MEGF8: variants seen among roughly 807,000 people sequenced by gnomAD.
MEGF8 encodes the protein multiple EGF like domains 8, also known as multiple epidermal growth factor-like domains protein 8.
Under a neutral mutation model 302.9 loss-of-function variants are expected in MEGF8, and 156 were observed. The ratio of observed to expected loss-of-function variants is 0.52; its 90% CI spans 0.45 to 0.59. MEGF8 has a LOEUF of 0.59. Ranked by LOEUF, MEGF8 falls within the 20% of genes least tolerant of loss-of-function variation. The pLI is 0.00. For missense variants in MEGF8, 3,345 were observed against 3,964.5 expected (o/e 0.84, Z 4.20); for synonymous variants, 1,621 against 1,660.5 (o/e 0.98, Z 0.58).
chr19:42,350,448 C>A, intron 15 of MEGF8, 64 bp downstream of exon 15: 1 of 1,380,798 alleles, frequency 7.2e-7, no homozygotes, highest in Non-Finnish European at 9.6e-7. Context: ...AATGGGCAGT[C>A]AAGGGAACCC....
chr19:42,371,562 G>A (rs2039691262), intron 41 of MEGF8, 80 bp downstream of exon 41: 16 of 1,576,206 alleles, frequency 1.0e-5, no homozygotes, highest in Non-Finnish European at 1.4e-5. Flanking sequence ...AGCCAGGCTC[G>A]GGCAGGACTG....
At position 42,356,108 on chromosome 19, in the gene MEGF8, A is replaced by T; in HGVS notation, c.4418A>T (p.Glu1473Val). 1 of 1,588,068 alleles carries T rather than the reference A, an allele frequency of 6.3e-7. No individual in the cohort carries two copies. The highest frequency in any genetic ancestry group is 8.6e-7 in the Non-Finnish European group (1 of 1,165,440). Residue 1473 changes from glutamate to valine, a missense_variant, in exon 25 of 42, where the codon GAG (glutamate) becomes GTG (valine). Glu to Val is a moderately radical substitution (Grantham distance 121, BLOSUM62 -2). Coordinates refer to ENST00000251268, the MANE Select transcript of MEGF8 (RefSeq NM_001271938.2). The surrounding 1 kb of genome is among the most constrained non-coding windows in gnomAD (Gnocchi z 5.2). ...NQSLGVCICA[E>V]GFGGPDCATK... ...AGCCTGGGTGTGTGCATCTGTGCCG[A>T]GGGCTTCGGGGGCCCCGACTGCGCC...
intron 12 of MEGF8, among the ~76,000 whole-genome samples, chr19:42,347,315 C>A (rs1213952082): frequency 7.4e-6 from 1 of 135,834 alleles, no homozygotes; most frequent in East Asian, 2.1e-4. Flanking sequence ...CACTCTCATT[C>A]TTTTTTTTTT....
rs371666486 is a variant in MEGF8 at position 42,376,715 on chromosome 19, G to C, written c.8478G>C (p.Gly2826=). 1.3e-6 allele frequency: 2 copies of C among 1,498,888 alleles called. No homozygotes were observed. The highest frequency in any genetic ancestry group is 8.9e-7 in the Non-Finnish European group (1 of 1,124,762). 92.8% of individuals were successfully genotyped at this position (1,498,888 alleles called of 1,614,324 possible). Residue 2826 remains glycine, a synonymous_variant, in exon 42 of 42, where the codon GGG becomes GGC. Coordinates refer to ENST00000251268, the MANE Select transcript of MEGF8 (RefSeq NM_001271938.2). This position sits in a 1 kb window ranked among gnomAD's most constrained non-coding sequence, Gnocchi z 8.2. ...GGGGAGGSGH[G]TGAGRKGLLS... Reference sequence around the variant, plus strand: ...GGGGTGCTGGGGGCAGTGGGCATGGGACTGGTGCGGGCCGGAAGGGACTGT... The same window carrying C: ...GGGGTGCTGGGGGCAGTGGGCATGGCACTGGTGCGGGCCGGAAGGGACTGT...
intron 41 of MEGF8, among the ~76,000 whole-genome samples, chr19:42,372,076 C>CAACAACAACAA (rs2039701345): frequency 9.0e-6 from 1 of 111,448 alleles, no homozygotes; most frequent in African/African-American, 3.8e-5. Flanking sequence ...CAACAACAAA[C>CAACAACAACAA]ACACACACAC....
In MEGF8 at chr19:42,353,720, A is replaced by G. The variant is rs2039410471; in HGVS notation, c.3761+45A>G. On this transcript the variant is annotated intron_variant, in intron 21 of 41. Coordinates refer to ENST00000251268, the MANE Select transcript of MEGF8 (RefSeq NM_001271938.2). The surrounding 1 kb of genome is among the most constrained non-coding windows in gnomAD (Gnocchi z 6.1). ...AGGGCTGGGTAGGGTGTGCTTGGGG[A>G]CACAGTGGGGAGGGTCAGGACTGGT... 1 of 1,573,260 alleles carries G rather than the reference A, an allele frequency of 6.4e-7. No individual in the cohort carries two copies. The highest frequency in any genetic ancestry group is 1.2e-5 in the South Asian group (1 of 85,748).
intron 1 of MEGF8, among the ~76,000 whole-genome samples, chr19:42,333,000 G>A (rs2039074826): frequency 6.6e-6 from 1 of 152,222 alleles, no homozygotes; most frequent in Non-Finnish European, 1.5e-5. Context: ...ATAAGCTCAG[G>A]CAGTCTGGTT....
rs1268241417 is a variant in MEGF8 at position 42,376,822 on chromosome 19, C to T, written c.*47C>T. 37 of 1,413,344 alleles carry T rather than the reference C, an allele frequency of 2.6e-5. No individual in the cohort carries two copies. Among genetic ancestry groups the T allele is most frequent in the Non-Finnish European group, 3.1e-5 (34 of 1,087,664 alleles). 87.6% of individuals were successfully genotyped at this position (1,413,344 alleles called of 1,614,324 possible). ...CAGCAGCTGGGTCACCTGATAGGGC[C>T]GCCCTGGACTTGGGGTCCCTCCACC... On this transcript the variant is annotated 3_prime_UTR_variant, in exon 42 of 42. Coordinates refer to ENST00000251268, the MANE Select transcript of MEGF8 (RefSeq NM_001271938.2). The surrounding 1 kb of genome is among the most constrained non-coding windows in gnomAD (Gnocchi z 8.2).
At chr19:42,366,656 G>A (rs1436588050) in intron 35 of MEGF8, among the ~76,000 whole-genome samples, 4 of 152,164 alleles carry the variant, frequency 2.6e-5, no homozygotes, top group Admixed American at 2.0e-4. Context: ...GCTAGGCAGT[G>A]GGGAATGTCA....
chr19:42,361,839 A>T (rs1251754070), intron 32 of MEGF8, among the ~76,000 whole-genome samples: 1 of 152,030 alleles, frequency 6.6e-6, no homozygotes, highest in Non-Finnish European at 1.5e-5. Context: ...GTCAGGGAGA[A>T]ATCCAGGAGG....
rs1355969021 is a variant in MEGF8 at position 42,369,061 on chromosome 19, C to T, written c.6641+59C>T. The T allele has an allele frequency of 1.9e-6, 3 of 1,589,090 alleles. No individual in the cohort carries two copies. The highest frequency in any genetic ancestry group is 2.6e-6 in the Non-Finnish European group (3 of 1,170,546). ...CTAGGGTGGGAGAGTCTGTGGGGAG[C>T]AGTAATGGATGAGGCCTAGAGCCAA... On this transcript the variant is annotated intron_variant, in intron 37 of 41. Transcript: ENST00000251268. This position sits in a 1 kb window ranked among gnomAD's most constrained non-coding sequence, Gnocchi z 5.7.
rs755090133 is a variant in MEGF8 at position 42,336,106 on chromosome 19, C to T, written c.1004C>T (p.Ala335Val). 6.2e-6 allele frequency: 10 copies of T among 1,605,332 alleles called. No homozygotes were observed. The highest frequency in any genetic ancestry group is 8.5e-6 in the Non-Finnish European group (10 of 1,178,204). ...ASSSSGPPGL[A>V]GHAAALVDDV... ...AGCTCCTCGGGGCCCCCAGGCCTGG[C>T]AGGTCACGCGGCTGCCCTGGTGGAT... Residue 335 changes from alanine (A) to valine (V), a missense_variant, in exon 6 of 42, where the codon GCA (alanine) becomes GTA (valine). Physicochemically the swap from Ala to Val is moderately conservative, Grantham distance 64. Transcript: ENST00000251268. The surrounding 1 kb of genome is among the most constrained non-coding windows in gnomAD (Gnocchi z 4.8).
rs1267419106 is a variant in MEGF8, at chr19:42,354,620, A to G, written c.4044A>G (p.Pro1348=). ...LSYVLAFDGF[P]RFLDTGVVQS... ...ACGTCCTGGCGTTTGATGGATTCCCACGCTTCCTGGACACTGGTGTTGTCC... is the reference window on the plus strand; with the variant it reads ...ACGTCCTGGCGTTTGATGGATTCCCGCGCTTCCTGGACACTGGTGTTGTCC... Residue 1348 remains proline (P), a synonymous_variant, in exon 23 of 42, where the codon CCA becomes CCG. Coordinates refer to ENST00000251268, the MANE Select transcript of MEGF8 (RefSeq NM_001271938.2). The surrounding 1 kb of genome is among the most constrained non-coding windows in gnomAD (Gnocchi z 4.3). 1 of 1,612,740 alleles carries G rather than the reference A, an allele frequency of 6.2e-7. No individual in the cohort carries two copies. The highest frequency in any genetic ancestry group is 8.5e-7 in the Non-Finnish European group (1 of 1,179,700).
In MEGF8 at chr19:42,354,642, G is replaced by A. The variant is rs1296610457; in HGVS notation, c.4066G>A (p.Val1356Ile). Residue 1356 changes from valine (V) to isoleucine (I), a missense_variant, in exon 23 of 42, where the codon GTC becomes ATC. Physicochemically the swap from Val to Ile is conservative, Grantham distance 29 (BLOSUM62 3). Coordinates refer to ENST00000251268, the MANE Select transcript of MEGF8 (RefSeq NM_001271938.2). The surrounding 1 kb of genome is among the most constrained non-coding windows in gnomAD (Gnocchi z 4.3). ...CCCACGCTTCCTGGACACTGGTGTT[G>A]TCCAGTCGGACCGCAGCCTCATAGC... ...GFPRFLDTGV[V>I]QSDRSLIAAF... 1.9e-6 allele frequency: 3 copies of A among 1,612,870 alleles called. No individual in the cohort carries two copies. In the South Asian group the frequency reaches 3.3e-5, roughly 18 times the overall value.
rs1467644289 is a variant in MEGF8 at position 42,370,304 on chromosome 19, A to T, written c.6950A>T (p.Lys2317Met). The stretch of plus-strand genomic sequence containing the variant: ...AATAGCCACATCTGCATCTCCAGGA[A>T]GGAGTTACAAATGTCCAAGGGAGAG... ...RGNSHICISRKELQMSKGEPK... is the reference protein window; with the variant it reads ...RGNSHICISRMELQMSKGEPK... Residue 2317 changes from lysine to methionine, a missense_variant, in exon 39 of 42, where the codon AAG becomes ATG. Lys to Met is a moderately conservative substitution (Grantham distance 95). Coordinates refer to ENST00000251268, the MANE Select transcript of MEGF8 (RefSeq NM_001271938.2). The T allele has an allele frequency of 1.2e-6, 2 of 1,611,928 alleles. No homozygotes were observed.
In MEGF8 at chr19:42,354,164, C is replaced by T; in HGVS notation, c.4011+140C>T. On this transcript the variant is annotated intron_variant, in intron 22 of 41. Transcript: ENST00000251268. This position sits in a 1 kb window ranked among gnomAD's most constrained non-coding sequence, Gnocchi z 4.3. Reference sequence around the variant, plus strand: ...TAATCCTTCAAAACCCAAACTCCTCCTCAGATCCCCAGCACTTTGTTCCTA... The same window carrying T: ...TAATCCTTCAAAACCCAAACTCCTCTTCAGATCCCCAGCACTTTGTTCCTA... The T allele has an allele frequency of 9.4e-7, 1 of 1,059,472 alleles. No individual in the cohort carries two copies. The highest frequency in any genetic ancestry group is 1.6e-5 in the African/African-American group (1 of 62,424). The allele number at this position is 1,059,472 out of a possible 1,614,324, so 65.6% of individuals were successfully genotyped here.
At chr19:42,330,352 G>T (rs770287693) in intron 1 of MEGF8, among the ~76,000 whole-genome samples, 1 of 152,194 alleles carries the variant, frequency 6.6e-6, no homozygotes, top group Non-Finnish European at 1.5e-5. Context: ...TCAACTTAGG[G>T]AAGAACTTGG....
At position 42,350,226 on chromosome 19, in the gene MEGF8, G is replaced by A; in HGVS notation, c.2578G>A (p.Asp860Asn). The change falls in exon 15 of 42, where the codon GAC (aspartate) becomes AAC (asparagine). Residue 860 changes from aspartate to asparagine, a missense_variant. By Grantham distance (23) the Asp-to-Asn change is conservative. Coordinates refer to ENST00000251268, the MANE Select transcript of MEGF8 (RefSeq NM_001271938.2). ...TTCTTCCTGCCTGGGCTGCTTGGCA[G>A]ACCAGGGCTGTGGCTGGTGCCTGAC... is the stretch of plus-strand genomic sequence containing the variant. ...SYSSCLGCLA[D>N]QGCGWCLTSA... The A allele has an allele frequency of 6.2e-7, 1 of 1,613,326 alleles. No homozygotes were observed. The highest frequency in any genetic ancestry group is 8.5e-7 in the Non-Finnish European group (1 of 1,179,872).
intron 1 of MEGF8, among the ~76,000 whole-genome samples, chr19:42,331,816 C>A (rs1312116974): frequency 6.7e-6 from 1 of 149,214 alleles, no homozygotes; most frequent in South Asian, 2.1e-4. Flanking sequence ...GCGATCCACC[C>A]ACCTTGGCCT....
Sources: allele counts gnomAD v4.1 joint callset (sites outside exome capture counted in the v4.1 genomes callset), GRCh38; gene constraint gnomAD v4.1.1; non-coding constraint Gnocchi (gnomAD v3.1); transcripts MANE v1.5; gene names NCBI Gene and HGNC (gene_info 2026-07-23, HGNC 2026-07-21).